The following PITPNC1 variants were observed in gnomAD, a reference collection of about 807,000 sequenced individuals.
PITPNC1 encodes cytoplasmic phosphatidylinositol transfer protein 1.
In PITPNC1, 18 loss-of-function variants were observed where a neutral mutation model predicts 44.7. The ratio of observed to expected loss-of-function variants is 0.40; its 90% confidence interval spans 0.28 to 0.60. The LOEUF is 0.60. Among genes scored for constraint, PITPNC1 ranks in the 20% least tolerant of loss-of-function variants. PITPNC1 has a pLI of 0.39. For synonymous variants in PITPNC1, 141 were observed against 149.6 expected (o/e 0.94, Z 0.42); for missense variants, 290 against 418.4 (o/e 0.69, Z 2.68).
chr17:67,529,048 C>T (rs898789783), intron 1 of PITPNC1, among the ~76,000 whole-genome samples: 3 of 152,102 alleles, frequency 2.0e-5, no homozygotes, highest in African/African-American at 4.8e-5. Context: ...TGTCCCGCCA[C>T]CCCCAGCGTC....
chr17:67,592,903 T>A (rs914993797), intron 5 of PITPNC1, among the ~76,000 whole-genome samples: 3 of 152,048 alleles, frequency 2.0e-5, no homozygotes, highest in Admixed American at 2.0e-4. Context: ...CCAGGCATGG[T>A]GATGTAGGCC....
At chr17:67,383,094 C>G (rs2037989288) in intron 1 of PITPNC1, among the ~76,000 whole-genome samples, 2 of 151,964 alleles carry the variant, frequency 1.3e-5, no homozygotes, top group African/African-American at 2.4e-5. Context: ...CTCCCGAGTT[C>G]AAGAGATTCT....
intron 5 of PITPNC1, among the ~76,000 whole-genome samples, chr17:67,626,819 G>GAAA (rs35662161): frequency 3.4e-5 from 4 of 118,032 alleles, no homozygotes; most frequent in Non-Finnish European, 3.7e-5. Context: ...TCAGACTCAT[G>GAAA]AAAAAAAAAA....
intron 1 of PITPNC1, among the ~76,000 whole-genome samples, chr17:67,452,541 TCTCA>T (rs2039197456): frequency 7.2e-6 from 1 of 138,372 alleles, no homozygotes; most frequent in Non-Finnish European, 1.5e-5. Flanking sequence ...TGAGATGGAG[TCTCA>T]CTCTGTCGCC....
chr17:67,667,688 C>T (rs1008633010), intron 6 of PITPNC1, among the ~76,000 whole-genome samples: 1 of 151,292 alleles, frequency 6.6e-6, no homozygotes, highest in Non-Finnish European at 1.5e-5. Context: ...AAAAAAAACC[C>T]TTGCTGGGCA....
At chr17:67,530,182 C>T (rs2040443244) in intron 1 of PITPNC1, among the ~76,000 whole-genome samples, 1 of 148,636 alleles carries the variant, frequency 6.7e-6, no homozygotes. Context: ...AGCTCCGCCT[C>T]CTGGGTTCAC....
At chr17:67,383,766 C>T (rs1008480858) in intron 1 of PITPNC1, among the ~76,000 whole-genome samples, 6 of 152,066 alleles carry the variant, frequency 3.9e-5, no homozygotes, top group East Asian at 1.9e-4. Flanking sequence ...TGGCCAGGCG[C>T]GGTGGCTCAT....
chr17:67,487,970 G>A (rs1474914575), intron 1 of PITPNC1, among the ~76,000 whole-genome samples: 2 of 152,114 alleles, frequency 1.3e-5, no homozygotes, highest in African/African-American at 4.8e-5. Flanking sequence ...TTTCTTTTCT[G>A]TCTGTCACAG....
rs956024821 is a variant in PITPNC1 at position 67,572,797 on chromosome 17, G to T, written c.295-5389G>T. Among the ~76,000 whole-genome samples the T allele has an allele frequency of 8.1e-5, 4 of 49,326 alleles. No individual in the cohort carries two copies. The South Asian group carries it at 1.9e-3, about 23-fold the overall frequency. The allele number at this position is 49,326 out of a possible 152,430, so 32.4% of individuals were successfully genotyped here. A position where few individuals can be genotyped will look rare whatever the true frequency, so the allele number is the denominator to read the frequency against. ...TGACAGCAGGAAGTTTTCCAGGGAA[G>T]GGGGAGTGGACCTACCTAGATTTAG... On this transcript the variant is annotated intron_variant, in intron 4 of 8. Coordinates refer to ENST00000581322, the MANE Select transcript of PITPNC1 (RefSeq NM_012417.4).
chr17:67,499,075 T>C (rs2039994248), intron 1 of PITPNC1, among the ~76,000 whole-genome samples: 1 of 152,126 alleles, frequency 6.6e-6, no homozygotes, highest in Non-Finnish European at 1.5e-5. Flanking sequence ...AGTTTCACCA[T>C]GTTAGCCAGG....
intron 6 of PITPNC1, among the ~76,000 whole-genome samples, chr17:67,636,324 T>TCCA (rs1449762877): frequency 2.3e-4 from 34 of 149,186 alleles, no homozygotes; most frequent in Non-Finnish European, 5.9e-5. Flanking sequence ...GCTCCAAATG[T>TCCA]CCATAGTGCC....
intron 1 of PITPNC1, among the ~76,000 whole-genome samples, chr17:67,479,597 G>A (rs2916125): frequency 0.024 from 3,600 of 151,970 alleles, 119 homozygotes; most frequent in East Asian, 0.11. Flanking sequence ...AATGCCATAC[G>A]GCTTCTTGGA....
intron 5 of PITPNC1, among the ~76,000 whole-genome samples, chr17:67,619,466 C>T (rs144902017): frequency 8.2e-4 from 125 of 152,248 alleles, no homozygotes; most frequent in African/African-American, 2.8e-3. Context: ...ACTTGTGCTT[C>T]TTGGCCCCCC....
intron 4 of PITPNC1, among the ~76,000 whole-genome samples, chr17:67,569,611 A>G (rs771938224): frequency 6.6e-5 from 10 of 152,334 alleles, no homozygotes; most frequent in Middle Eastern, 3.4e-3. Context: ...AAGGCCAATT[A>G]TAGATGCTTA....
intron 1 of PITPNC1, among the ~76,000 whole-genome samples, chr17:67,489,412 T>C (rs1305802554): frequency 1.3e-5 from 2 of 152,190 alleles, no homozygotes; most frequent in African/African-American, 4.8e-5. Context: ...TATAAATGAC[T>C]CCTTCCTTCT....
chr17:67,572,522 T>G (rs1372201558), intron 4 of PITPNC1, among the ~76,000 whole-genome samples: 2 of 133,354 alleles, frequency 1.5e-5, no homozygotes, highest in African/African-American at 5.6e-5. Flanking sequence ...CCATTCCTAG[T>G]GGTGCTGGTA....
chr17:67,442,204 C>CATATATATATATGTATATATATAT (rs2039021753), intron 1 of PITPNC1, among the ~76,000 whole-genome samples: 1 of 54,218 alleles, frequency 1.8e-5, no homozygotes, highest in Non-Finnish European at 3.9e-5. Context: ...GGAAAATAAG[C>CATATATATATATGTATATATATAT]ATATATATAT....
chr17:67,413,114 G>T (rs1465929188), intron 1 of PITPNC1, among the ~76,000 whole-genome samples: 1 of 152,160 alleles, frequency 6.6e-6, no homozygotes, highest in Non-Finnish European at 1.5e-5. Flanking sequence ...AACCAAATTG[G>T]AGGTTAGATC....
In PITPNC1 at chr17:67,693,125, A is replaced by C. The variant is rs2042959306; in HGVS notation, c.*237A>C. 2.2e-6 allele frequency: 1 copy of C among 460,906 alleles called. No homozygotes were observed. Among genetic ancestry groups the C allele is most frequent in the Non-Finnish European group, 3.8e-6 (1 of 263,012 alleles). The allele number at this position is 460,906 out of a possible 1,614,324, so 28.6% of individuals were successfully genotyped here. ...AGGACAGAAGGAATCTTCTGTAACC[A>C]CATAGCTGTATGCCAGAGAGGAAGC... On this transcript the variant is annotated 3_prime_UTR_variant, in exon 9 of 9. Transcript: ENST00000581322.
Sources: allele counts gnomAD v4.1 joint callset (sites outside exome capture counted in the v4.1 genomes callset), GRCh38; gene constraint gnomAD v4.1.1; transcripts MANE v1.5; gene names NCBI Gene and HGNC (gene_info 2026-07-23, HGNC 2026-07-21).